The following SEC24B variants were observed in gnomAD, a reference collection of about 807,000 sequenced individuals.
The protein encoded by SEC24B is protein transport protein Sec24B.
Under a neutral mutation model 142.8 loss-of-function variants are expected in SEC24B, and 45 were observed. The observed-to-expected ratio is 0.32, with a 90% CI of 0.25 to 0.40. SEC24B has a LOEUF of 0.40. Ranked by LOEUF, SEC24B falls within the 10% of genes least tolerant of loss-of-function variation. The probability of loss-of-function intolerance (pLI) is 1.00; values close to 1 mark genes in which losing one functional copy is unlikely to be tolerated. For synonymous variants in SEC24B, 574 were observed against 568.2 expected (o/e 1.01, Z -0.15); for missense variants, 1,409 against 1,526.8 (o/e 0.92, Z 1.29).
intron 22 of SEC24B, among the ~76,000 whole-genome samples, chr4:109,536,808 C>T (rs1002555873): frequency 1.1e-4 from 16 of 150,890 alleles, no homozygotes; most frequent in East Asian, 1.9e-4. Flanking sequence ...GGATTACAGG[C>T]GTGAGCCACT....
chr4:109,445,869 G>A (rs770276102), intron 1 of SEC24B, among the ~76,000 whole-genome samples: 2 of 152,042 alleles, frequency 1.3e-5, no homozygotes, highest in Non-Finnish European at 2.9e-5. Context: ...ACCGCACCCA[G>A]CCTGTTTTAG....
intron 14 of SEC24B, 130 bp downstream of exon 14, chr4:109,521,756 T>A: frequency 1.4e-6 from 1 of 730,172 alleles, no homozygotes; most frequent in Non-Finnish European, 2.2e-6. Flanking sequence ...TTTTGAGACG[T>A]GGTCTCACAC....
chr4:109,508,896 A>G (rs1464958502), intron 7 of SEC24B, among the ~76,000 whole-genome samples: 1 of 152,252 alleles, frequency 6.6e-6, no homozygotes, highest in Non-Finnish European at 1.5e-5. Flanking sequence ...TTTTCCGTGT[A>G]CTGGGGATAA....
chr4:109,531,362 A>G (rs761722710), intron 19 of SEC24B, 23 bp from the exon 20 acceptor site: 17 of 1,582,506 alleles, frequency 1.1e-5, no homozygotes, highest in Non-Finnish European at 1.5e-5. Context: ...TTTACTTGAA[A>G]ACGTTTATCT....
At position 109,531,393 on chromosome 4, in the gene SEC24B, T is replaced by C. The variant is rs1488248228; in HGVS notation, c.3261T>C (p.Phe1087=). The part of the protein sequence containing the change: ...YVLALLKQKA[F]RTGTSTRLDD... ...TATCTTTTTCCTTGTAGAAAGCATT[T>C]AGAACGGGTACAAGCACACGGCTGG... is the stretch of plus-strand genomic sequence containing the variant. Residue 1087 remains phenylalanine (F), a synonymous_variant, in exon 20 of 24, where the codon TTT becomes TTC. Coordinates refer to ENST00000265175, the MANE Select transcript of SEC24B (RefSeq NM_006323.5). The C allele has an allele frequency of 2.5e-6, 4 of 1,607,530 alleles. No individual in the cohort carries two copies. Among genetic ancestry groups the C allele is most frequent in the Admixed American group, 1.7e-5 (1 of 59,088 alleles).
At chr4:109,508,956 T>C (rs769595093) in intron 7 of SEC24B, among the ~76,000 whole-genome samples, 1 of 152,212 alleles carries the variant, frequency 6.6e-6, no homozygotes, top group South Asian at 2.1e-4. Flanking sequence ...ACAGAACTTA[T>C]ATTCTCCGAT....
At chr4:109,451,018 A>C (rs1730026505) in intron 1 of SEC24B, 1 of 152,090 alleles carries the variant, frequency 6.6e-6, no homozygotes, top group Non-Finnish European at 1.5e-5. Flanking sequence ...GGATCCTCTC[A>C]CTTCAGCCTT....
chr4:109,494,960 A>G (rs1042477115), intron 6 of SEC24B, 104 bp downstream of exon 6: 3 of 1,361,694 alleles, frequency 2.2e-6, no homozygotes, highest in East Asian at 2.3e-5. Flanking sequence ...CTTAGGTACA[A>G]ATACATGTCA....
At chr4:109,527,504 T>G in intron 18 of SEC24B, 72 bp downstream of exon 18, 2 of 1,074,098 alleles carry the variant, frequency 1.9e-6, no homozygotes, top group South Asian at 2.7e-5. Flanking sequence ...CTGGTGGCAG[T>G]GCGTCCGCCT....
intron 3 of SEC24B, 80 bp from the exon 4 acceptor site, chr4:109,481,597 A>T: frequency 1.1e-6 from 1 of 914,930 alleles, no homozygotes; most frequent in Non-Finnish European, 1.7e-6. Flanking sequence ...GTTCTTTCTC[A>T]CTTTTAATGC....
In SEC24B at chr4:109,463,217, A is replaced by G. The variant is rs1232445364; in HGVS notation, c.450A>G (p.Gln150=). 4.3e-6 allele frequency: 7 copies of G among 1,614,010 alleles called. 1 individual carries two copies. In the South Asian group the frequency reaches 4.4e-5, roughly 10 times the overall value. ...SASHLHTSAS[Q]PYSSFVNHYN... Reference sequence around the variant, plus strand: ...CCCATTTGCATACGAGTGCCTCCCAACCATACTCCTCTTTTGTGAATCACT... The same window carrying G: ...CCCATTTGCATACGAGTGCCTCCCAGCCATACTCCTCTTTTGTGAATCACT... Residue 150 remains glutamine (Q), a synonymous_variant, in exon 2 of 24, where the codon CAA becomes CAG. Coordinates refer to ENST00000265175, the MANE Select transcript of SEC24B (RefSeq NM_006323.5).
intron 18 of SEC24B, among the ~76,000 whole-genome samples, chr4:109,528,140 T>A (rs2126087610): frequency 6.6e-6 from 1 of 152,256 alleles, no homozygotes; most frequent in South Asian, 2.1e-4. Context: ...CTCATGCCTG[T>A]AATGAGCTCA....
intron 5 of SEC24B, among the ~76,000 whole-genome samples, chr4:109,493,744 C>T (rs1462243002): frequency 6.6e-6 from 1 of 151,800 alleles, no homozygotes; most frequent in Non-Finnish European, 1.5e-5. Flanking sequence ...CTACAGGTGC[C>T]TGCCACCATG....
At chr4:109,517,811 T>G (rs1440994944) in intron 11 of SEC24B, among the ~76,000 whole-genome samples, 1 of 152,170 alleles carries the variant, frequency 6.6e-6, no homozygotes, top group African/African-American at 2.4e-5. Context: ...AATTTATGCC[T>G]GAGCAAGGAA....
In SEC24B at chr4:109,525,484, T is replaced by C. The variant is rs773316348; in HGVS notation, c.2771T>C (p.Met924Thr). Residue 924 changes from methionine (M) to threonine (T), a missense_variant, in exon 16 of 24, where the codon ATG (methionine) becomes ACG (threonine). By Grantham distance (81) the Met-to-Thr change is moderately conservative. Transcript: ENST00000265175. ...AGAAAAATTGGGTTTGAAGCTGTTA[T>C]GAGAATAAGGTGTACTAAAGGTATG... is the stretch of plus-strand genomic sequence containing the variant. ...LTRKIGFEAV[M>T]RIRCTKGLSM... 6 of 1,609,290 alleles carry C rather than the reference T, an allele frequency of 3.7e-6. No individual in the cohort carries two copies. Among genetic ancestry groups the C allele is most frequent in the South Asian group, 2.2e-5 (2 of 90,402 alleles).
intron 1 of SEC24B, among the ~76,000 whole-genome samples, chr4:109,458,368 G>A (rs1313140325): frequency 6.6e-6 from 1 of 151,960 alleles, no homozygotes; most frequent in Non-Finnish European, 1.5e-5. Context: ...TGCCAAATTT[G>A]GCTTCTGGGC....
intron 11 of SEC24B, 25 bp downstream of exon 11, chr4:109,516,665 A>C: frequency 2.4e-6 from 3 of 1,238,630 alleles, no homozygotes; most frequent in Non-Finnish European, 3.5e-6. Flanking sequence ...AATTCATACT[A>C]TACATATGTG....
At chr4:109,530,864 C>A (rs76270929) in intron 19 of SEC24B, among the ~76,000 whole-genome samples, 16,748 of 146,916 alleles carry the variant, frequency 0.11, 3,228 homozygotes, top group African/African-American at 0.4. Context: ...CCGCTGCACC[C>A]CAGCCTGGGC....
intron 1 of SEC24B, among the ~76,000 whole-genome samples, chr4:109,462,405 A>G (rs528743556): frequency 3.9e-5 from 6 of 152,328 alleles, no homozygotes; most frequent in Admixed American, 1.3e-4. Flanking sequence ...TGGCTGGGCT[A>G]TAGTTATCTC....
Sources: gnomAD v4.1 joint callset for allele counts (sites outside exome capture counted in the v4.1 genomes callset) on GRCh38, gnomAD v4.1.1 for gene constraint, MANE v1.5 for transcripts, NCBI Gene and HGNC (gene_info 2026-07-23, HGNC 2026-07-21) for gene names.